PGAP6: variants seen among roughly 807,000 people sequenced by gnomAD.
PGAP6 encodes post-GPI attachment to proteins 6.
A neutral mutation model predicts 68.4 loss-of-function variants in PGAP6; 62 were observed. That is an observed-to-expected ratio of 0.91 (90% CI 0.74 to 1.12). The LOEUF is 1.12. Among genes scored for constraint, PGAP6 ranks in the 50% most tolerant of loss-of-function variants. The pLI, the probability that PGAP6 is intolerant of heterozygous loss-of-function variation, is 0.00. For synonymous variants in PGAP6, 575 were observed against 474.0 expected (o/e 1.21, Z -2.77); for missense variants, 1,188 against 1,068.5 (o/e 1.11, Z -1.56).
At chr16:382,591 G>T (rs1461664140), upstream of PGAP6, 1 of 259,254 alleles carries the variant, frequency 3.9e-6, no homozygotes, top group East Asian at 6.7e-5. Flanking sequence ...AACTCCCGGC[G>T]CTTTGCACCT....
chr16:374,175 G>A lies in PGAP6; in HGVS notation c.1756-24C>T, dbSNP rs201756484. 5.1e-5 allele frequency: 82 copies of A among 1,610,550 alleles called. 1 individual carries two copies. The Middle Eastern group carries it at 8.3e-4, about 16-fold the overall frequency. ...AACTGTGGGGAGGCTCCATGAGCGC[G>A]GTCCTGCCCTCCCACCCCACATCCC... On this transcript the variant is annotated intron_variant, in intron 10 of 12. Transcript: ENST00000431232.
upstream of PGAP6, among the ~76,000 whole-genome samples, chr16:383,819 T>G (rs1204090905): frequency 2.0e-5 from 3 of 149,604 alleles, no homozygotes; most frequent in Non-Finnish European, 3.0e-5. Context: ...GTTTGTACCT[T>G]TTGAACGCCG....
chr16:386,815 A>G, upstream of PGAP6: 1 of 685,542 alleles, frequency 1.5e-6, no homozygotes, highest in East Asian at 3.4e-5. Flanking sequence ...GCCGAAGCCA[A>G]AGCGAAGGCT....
Position 377,531 on chromosome 16 carries a change from C to G in PGAP6, c.354G>C (p.Pro118=), listed in dbSNP as rs370572988. 7 of 1,592,834 alleles carry G rather than the reference C, an allele frequency of 4.4e-6. No individual in the cohort carries two copies. The highest frequency in any genetic ancestry group is 5.1e-6 in the Non-Finnish European group (6 of 1,170,300). ...PVINPLGTSF[P]DDTAVQPSFQ... is the part of the protein sequence containing the mutation. ...AGGAGGGCTGTACCGCGGTGTCGTC[C>G]GGGAAGCTGGTGCCCAGCGGGTTGA... Residue 118 remains proline, a synonymous_variant, in exon 3 of 13, where the codon CCG becomes CCC. Coordinates refer to ENST00000431232, the MANE Select transcript of PGAP6 (RefSeq NM_021259.3).
chr16:377,012 G>A, intron 4 of PGAP6, 25 bp downstream of exon 4: 1 of 1,611,504 alleles, frequency 6.2e-7, no homozygotes, highest in Non-Finnish European at 8.5e-7. Flanking sequence ...GGCAGAGCCG[G>A]GCTGCCCCCC....
In PGAP6 at chr16:374,738, C is replaced by T. The variant is rs775504140; in HGVS notation, c.1576+18G>A. 91 of 1,611,466 alleles carry T rather than the reference C, an allele frequency of 5.6e-5. No homozygotes were observed. Among genetic ancestry groups the T allele is most frequent in the African/African-American group, 1.3e-4 (10 of 74,906 alleles). ...AACAGCAGCAGCGTCTCGGGGCGGG[C>T]GGGGCCCTGGCACTCACCTGCCTTG... On this transcript the variant is annotated intron_variant, in intron 9 of 12. Transcript: ENST00000431232.
In PGAP6 at chr16:375,490, T is replaced by C. The variant is rs1297511389; in HGVS notation, c.1225-55A>G. 15 of 1,481,582 alleles carry C rather than the reference T, an allele frequency of 1.0e-5. No individual in the cohort carries two copies. In the Admixed American group the frequency reaches 1.7e-4, roughly 17 times the overall value. The allele number at this position is 1,481,582 out of a possible 1,614,324, so 91.8% of individuals were successfully genotyped here. A position where few individuals can be genotyped will look rare whatever the true frequency, so the allele number is the denominator to read the frequency against. ...CCAGCAGCCCCTGGCCGCAGTGGGG[T>C]CATCTGCCCCACGTGCCAGCTCAGC... On this transcript the variant is annotated intron_variant, in intron 6 of 12. Coordinates refer to ENST00000431232, the MANE Select transcript of PGAP6 (RefSeq NM_021259.3).
chr16:381,322 C>G (rs1239642518), intron 1 of PGAP6, among the ~76,000 whole-genome samples: 1 of 152,244 alleles, frequency 6.6e-6, no homozygotes, highest in African/African-American at 2.4e-5. Flanking sequence ...CAGGCCGGAC[C>G]CGGCCGGTGA....
At chr16:374,535 G>A (rs1166957423) in intron 9 of PGAP6, 136 bp from the exon 10 acceptor site, 3 of 1,171,996 alleles carry the variant, frequency 2.6e-6, no homozygotes, top group South Asian at 3.2e-5. Context: ...CGGGGTCCAA[G>A]GTCAGGAGGC....
intron 12 of PGAP6, 67 bp downstream of exon 12, chr16:372,544 A>T: frequency 7.6e-7 from 1 of 1,309,034 alleles, no homozygotes; most frequent in Non-Finnish European, 1.1e-6. Flanking sequence ...GAACGTGGCT[A>T]GAGCAAGGGG....
intron 1 of PGAP6, among the ~76,000 whole-genome samples, chr16:380,793 G>A (rs1212035706): frequency 2.6e-5 from 4 of 151,598 alleles, no homozygotes; most frequent in Non-Finnish European, 4.4e-5. Flanking sequence ...TTATTTCAGG[G>A]GCAGGGGAGG....
chr16:381,956 C>T lies in PGAP6; in HGVS notation c.-135G>A, dbSNP rs2054443947. The T allele has an allele frequency of 1.5e-5, 15 of 976,360 alleles. No individual in the cohort carries two copies. In the South Asian group the frequency reaches 6.4e-4, roughly 42 times the overall value. The allele number at this position is 976,360 out of a possible 1,614,324, so 60.5% of individuals were successfully genotyped here. A position where few individuals can be genotyped will look rare whatever the true frequency, so the allele number is the denominator to read the frequency against. On this transcript the variant is annotated 5_prime_UTR_variant, in exon 1 of 13. Coordinates refer to ENST00000431232, the MANE Select transcript of PGAP6 (RefSeq NM_021259.3). ...CCGGCGCCCATGGCCCGGCCGGTCC[C>T]CGCCGCCGTCGCCCCGGGCACTTCC...
chr16:383,726 A>G (rs1469645274), upstream of PGAP6, among the ~76,000 whole-genome samples: 1 of 152,220 alleles, frequency 6.6e-6, no homozygotes, highest in Non-Finnish European at 1.5e-5. Context: ...GAATGTCTGG[A>G]ATGATCCAGC....
chr16:376,997 C>T (rs1026362922), intron 4 of PGAP6, 40 bp downstream of exon 4: 10 of 1,609,392 alleles, frequency 6.2e-6, no homozygotes, highest in East Asian at 2.2e-5. Context: ...GAGAAGGGGC[C>T]GGAGGGCAGA....
upstream of PGAP6, among the ~76,000 whole-genome samples, chr16:386,026 C>T (rs1167540199): frequency 2.6e-5 from 4 of 152,094 alleles, no homozygotes; most frequent in African/African-American, 9.7e-5. Context: ...AGGGACGCAT[C>T]GTATTTCCAA....
chr16:383,928 G>C (rs556792233), upstream of PGAP6, among the ~76,000 whole-genome samples: 1 of 152,234 alleles, frequency 6.6e-6, no homozygotes, highest in African/African-American at 2.4e-5. Context: ...GGTGTTGGCC[G>C]GGGAGGAAGG....
chr16:371,901 T>C lies in PGAP6; in HGVS notation c.*86A>G. The C allele has an allele frequency of 7.0e-7, 1 of 1,425,630 alleles. No homozygotes were observed. Among genetic ancestry groups the C allele is most frequent in the Non-Finnish European group, 9.5e-7 (1 of 1,050,590 alleles). 88.3% of individuals were successfully genotyped at this position (1,425,630 alleles called of 1,614,324 possible). ...CAATTTATTCAGCTGGAAATCAATC[T>C]GTCCAGGGCTGGACCAGGCGCCTCC... On this transcript the variant is annotated 3_prime_UTR_variant, in exon 13 of 13. Transcript: ENST00000431232.
rs1426735969 is a variant in PGAP6, at chr16:381,893, CTCT to C, written c.-75_-73del. 1.5e-4 allele frequency: 27 copies of C among 185,084 alleles called. No homozygotes were observed. Among genetic ancestry groups the C allele is most frequent in the Non-Finnish European group, 1.7e-4 (26 of 155,932 alleles). 11.5% of individuals were successfully genotyped at this position (185,084 alleles called of 1,614,324 possible). On this transcript the variant is annotated 5_prime_UTR_variant, in exon 1 of 13. Transcript: ENST00000431232. ...CGGCCCCCGCCGCCGCCCGGGCAGC[CTCT>C]GCCGCCTCCGCCTCTGCCGCCTCCG...
intron 1 of PGAP6, among the ~76,000 whole-genome samples, chr16:378,694 G>C (rs1409961452): frequency 6.6e-6 from 1 of 152,200 alleles, no homozygotes; most frequent in East Asian, 1.9e-4. Flanking sequence ...TCCCTGGATG[G>C]GTTGGCTGCC....
Sources: gnomAD v4.1 joint callset for allele counts (sites outside exome capture counted in the v4.1 genomes callset) on GRCh38, gnomAD v4.1.1 for gene constraint, MANE v1.5 for transcripts, NCBI Gene and HGNC (gene_info 2026-07-23, HGNC 2026-07-21) for gene names.